KIF24: variants seen among roughly 807,000 people sequenced by gnomAD.
The protein encoded by KIF24 is kinesin-like protein KIF24.
In KIF24, 81 loss-of-function variants were observed where a neutral mutation model predicts 118.9. That is an observed-to-expected ratio of 0.68 (90% confidence interval 0.57 to 0.82). The LOEUF (loss-of-function observed/expected upper bound fraction) is 0.82, where lower values mean the gene tolerates loss of function less well. KIF24 is among the 40% of genes least tolerant of loss of function. The probability of loss-of-function intolerance (pLI) is 0.00; values close to 1 mark genes in which losing one functional copy is unlikely to be tolerated. For missense variants in KIF24, 1,560 were observed against 1,661.6 expected, an observed-to-expected ratio of 0.94 and a Z score of 1.06; for synonymous variants, 599 against 610.0, an observed-to-expected ratio of 0.98 and a Z score of 0.27.
chr9:34,290,217 T>C lies in KIF24; in HGVS notation c.1084A>G (p.Ile362Val), dbSNP rs762610690. The C allele has an allele frequency of 2.5e-6, 4 of 1,613,850 alleles. No homozygotes were observed. The highest frequency in any genetic ancestry group is 3.4e-6 in the Non-Finnish European group (4 of 1,179,820). ...HLFVWISFYE[I>V]YCGQLYDLLN... ...AGGTCATAAAGCTGTCCACAGTAAA[T>C]TTCATAGAAGCTGATCCACACAAAG... Residue 362 changes from isoleucine (I) to valine (V), a missense_variant, in exon 5 of 13, where the codon ATT (isoleucine) becomes GTT (valine). Ile to Val is a conservative substitution (Grantham distance 29). Transcript: ENST00000402558.
chr9:34,311,405 T>TA (rs1587966384), intron 1 of KIF24, 34 bp from the exon 2 acceptor site: 4 of 1,151,760 alleles, frequency 3.5e-6, no homozygotes, highest in Non-Finnish European at 2.4e-6. Flanking sequence ...TCGCTTGAAA[T>TA]AGAGTACATG....
intron 10 of KIF24, among the ~76,000 whole-genome samples, chr9:34,258,509 T>A (rs1032105333): frequency 6.6e-6 from 1 of 152,106 alleles, no homozygotes; most frequent in African/African-American, 2.4e-5. Context: ...TCTCTGAGGA[T>A]GTAAGCATGC....
chr9:34,307,683 C>T (rs1267317761), intron 2 of KIF24, among the ~76,000 whole-genome samples: 2 of 151,744 alleles, frequency 1.3e-5, no homozygotes, highest in African/African-American at 2.4e-5. Context: ...GAGGCTGAGG[C>T]GGGCAGATCA....
In KIF24 at chr9:34,299,804, ATGTGTGTGTGTGTGTGTGCG is replaced by A. The variant is rs895414249; in HGVS notation, c.814-2710_814-2691del. Among the ~76,000 whole-genome samples the A allele has an allele frequency of 2.1e-4, 26 of 123,272 alleles. No homozygotes were observed. In the East Asian group the frequency reaches 7.8e-3, roughly 37 times the overall value. 80.9% of individuals were successfully genotyped at this position (123,272 alleles called of 152,430 possible). ...ATATATATATAGCTGGGCTACCAAGATGTGTGTGTGTGTGTGTGCGTGTGTGTGTGTGTGTGTGTGTGTAT... is the reference window on the plus strand; with the variant it reads ...ATATATATATAGCTGGGCTACCAAGATGTGTGTGTGTGTGTGTGTGTGTAT... On this transcript the variant is annotated intron_variant, in intron 3 of 12. Transcript: ENST00000402558.
chr9:34,260,800 G>A (rs12377779), intron 9 of KIF24, among the ~76,000 whole-genome samples: 18,738 of 151,902 alleles, frequency 0.12, 1,507 homozygotes, highest in Non-Finnish European at 0.18. Context: ...GCGAAACCCC[G>A]TCTCTACTAA....
intron 6 of KIF24, among the ~76,000 whole-genome samples, chr9:34,279,352 T>C (rs1174305315): frequency 6.6e-6 from 1 of 152,196 alleles, no homozygotes; most frequent in Non-Finnish European, 1.5e-5. Flanking sequence ...AAGGCAATGA[T>C]AAAACATGAA....
chr9:34,280,710 G>T (rs1053907079), intron 6 of KIF24, among the ~76,000 whole-genome samples: 4 of 151,992 alleles, frequency 2.6e-5, no homozygotes, highest in African/African-American at 9.7e-5. Context: ...AGACACACTC[G>T]GGCGCTATAC....
chr9:34,283,577 G>A (rs1014380413), intron 6 of KIF24, among the ~76,000 whole-genome samples: 1 of 151,976 alleles, frequency 6.6e-6, no homozygotes, highest in African/African-American at 2.4e-5. Context: ...ACTTGAGGAC[G>A]ACACAAGCAA....
At position 34,310,779 on chromosome 9, in the gene KIF24, G is replaced by C; in HGVS notation, c.568C>G (p.Gln190Glu). Residue 190 changes from glutamine (Q) to glutamate (E), a missense_variant, in exon 2 of 13, where the codon CAA becomes GAA. Physicochemically the swap from Gln to Glu is conservative, Grantham distance 29 (BLOSUM62 2). Coordinates refer to ENST00000402558, the MANE Select transcript of KIF24 (RefSeq NM_194313.4). ...ILGDCDIPIIQRISHVSGYNY... is the reference protein window; with the variant it reads ...ILGDCDIPIIERISHVSGYNY... Reference sequence around the variant, plus strand: ...TACCCTGAAACATGAGAGATTCTTTGAATAATGGGAATATCACAATCCCCC... The same window carrying C: ...TACCCTGAAACATGAGAGATTCTTTCAATAATGGGAATATCACAATCCCCC... The C allele has an allele frequency of 1.9e-6, 3 of 1,609,268 alleles. No individual in the cohort carries two copies. Among genetic ancestry groups the C allele is most frequent in the Non-Finnish European group, 1.7e-6 (2 of 1,175,960 alleles).
rs1834919259 is a variant in KIF24, at chr9:34,257,891, C to G, written c.1716G>C (p.Gln572His). ...TSGNSSPKRIQSSPGALSEDK... is the reference protein window; with the variant it reads ...TSGNSSPKRIHSSPGALSEDK... ...CCTCTGACAAAGCCCCAGGGGAGCT[C>G]TGAATTCGTTTTGGAGAGGAGTTTC... Residue 572 changes from glutamine to histidine, a missense_variant, in exon 11 of 13, where the codon CAG becomes CAC. Physicochemically the swap from Gln to His is conservative, Grantham distance 24. This residue lies in a region of KIF24 where 964 missense variants were observed against 988.0 expected (regional missense o/e 0.98). Transcript: ENST00000402558. The G allele has an allele frequency of 6.2e-7, 1 of 1,614,020 alleles. No individual in the cohort carries two copies. Among genetic ancestry groups the G allele is most frequent in the Non-Finnish European group, 8.5e-7 (1 of 1,179,886 alleles).
rs1258475368 is a variant in KIF24 at position 34,285,928 on chromosome 9, C to CT, written c.1215+688dup. 9.2e-4 allele frequency among the ~76,000 whole-genome samples: 60 copies of CT among 65,140 alleles called. No individual in the cohort carries two copies. The South Asian group carries it at 0.048, about 52-fold the overall frequency. 42.7% of individuals were successfully genotyped at this position (65,140 alleles called of 152,430 possible). A position where few individuals can be genotyped will look rare whatever the true frequency, so the allele number is the denominator to read the frequency against. On this transcript the variant is annotated intron_variant, in intron 6 of 12. Transcript: ENST00000402558. ...TGGGCAACAGAGCAAGACCCTGTTG[C>CT]TTAAAAAAAAAAAAAAAAAAAAGTA...
chr9:34,280,458 G>T (rs1835813006), intron 6 of KIF24, among the ~76,000 whole-genome samples: 1 of 152,108 alleles, frequency 6.6e-6, no homozygotes, highest in Non-Finnish European at 1.5e-5. Flanking sequence ...AGTGACAAAG[G>T]AATCCTGAGG....
chr9:34,318,531 TG>T lies in KIF24; in HGVS notation c.-25-7161del. On this transcript the variant is annotated intron_variant, in intron 1 of 12. Coordinates refer to ENST00000402558, the MANE Select transcript of KIF24 (RefSeq NM_194313.4). This position sits in a 1 kb window ranked among gnomAD's most constrained non-coding sequence, Gnocchi z 4.9. ...AAGCTGAGCCCCAAGGCAGCCACGC[TG>T]GCCGAACACAGCGCCGGCCTGGCCT... is the stretch of plus-strand genomic sequence containing the variant. 1 of 1,003,402 alleles carries T rather than the reference TG, an allele frequency of 1.0e-6. No individual in the cohort carries two copies. Among genetic ancestry groups the T allele is most frequent in the Non-Finnish European group, 1.5e-6 (1 of 649,654 alleles). The allele number at this position is 1,003,402 out of a possible 1,614,324, so 62.2% of individuals were successfully genotyped here. A position where few individuals can be genotyped will look rare whatever the true frequency, so the allele number is the denominator to read the frequency against.
Position 34,257,911 on chromosome 9 carries a change from A to G in KIF24, c.1696T>C (p.Ser566Pro), listed in dbSNP as rs1248671533. The G allele has an allele frequency of 6.2e-7, 1 of 1,613,842 alleles. No individual in the cohort carries two copies. Among genetic ancestry groups the G allele is most frequent in the African/African-American group, 1.3e-5 (1 of 74,916 alleles). Reference protein sequence around the residue: ...VTSRNRTSGNSSPKRIQSSPG... With the variant: ...VTSRNRTSGNPSPKRIQSSPG... Reference sequence around the variant, plus strand: ...GAGCTCTGAATTCGTTTTGGAGAGGAGTTTCCAGATGTCCGATTTCGACTG... The same window carrying G: ...GAGCTCTGAATTCGTTTTGGAGAGGGGTTTCCAGATGTCCGATTTCGACTG... Residue 566 changes from serine to proline, a missense_variant, in exon 11 of 13, where the codon TCC becomes CCC. Physicochemically the swap from Ser to Pro is moderately conservative, Grantham distance 74. Around this residue, in one of 3 missense-constraint regions of KIF24, gnomAD observed 964 missense variants for 988.0 expected, o/e 0.98. Coordinates refer to ENST00000402558, the MANE Select transcript of KIF24 (RefSeq NM_194313.4).
chr9:34,301,665 G>A (rs1836710301), intron 3 of KIF24, among the ~76,000 whole-genome samples: 1 of 151,866 alleles, frequency 6.6e-6, no homozygotes. Context: ...GAGAAACCCA[G>A]TCTTTACAAA....
At chr9:34,332,807 A>C (rs1000409862), upstream of KIF24, among the ~76,000 whole-genome samples, 1 of 152,152 alleles carries the variant, frequency 6.6e-6, no homozygotes, top group Non-Finnish European at 1.5e-5. Context: ...CAATTTATTC[A>C]TGGTAGTTGG....
rs1296578829 is a variant in KIF24 at position 34,253,969 on chromosome 9, C to CAT, written c.*410_*411insAT. 1.9e-5 allele frequency: 3 copies of CAT among 157,732 alleles called. No homozygotes were observed. Among genetic ancestry groups the CAT allele is most frequent in the African/African-American group, 7.2e-5 (3 of 41,658 alleles). The allele number at this position is 157,732 out of a possible 1,614,324, so 9.8% of individuals were successfully genotyped here. On this transcript the variant is annotated 3_prime_UTR_variant, in exon 13 of 13. Coordinates refer to ENST00000402558, the MANE Select transcript of KIF24 (RefSeq NM_194313.4). ...ATTCAGCTGGTGAAGCCTCTGGTCT[C>CAT]AGCATGTTGTCTTCTCTGTCTTGTG...
chr9:34,307,138 G>A (rs760055696), intron 2 of KIF24, among the ~76,000 whole-genome samples: 35 of 152,098 alleles, frequency 2.3e-4, no homozygotes, highest in Non-Finnish European at 3.5e-4. Flanking sequence ...GCACAGCCAT[G>A]GCTCATTGCA....
Position 34,306,457 on chromosome 9 carries a change from A to G in KIF24, c.624-16T>C, listed in dbSNP as rs1836923607. On this transcript the variant is annotated splice_polypyrimidine_tract_variant and intron_variant, in intron 2 of 12. Transcript: ENST00000402558. The stretch of plus-strand genomic sequence containing the variant: ...AGTGTTCTGTCTAATATGTTTATAA[A>G]CAGGCTTTTAATTTTTAATAATAGG... The G allele has an allele frequency of 1.3e-6, 2 of 1,512,676 alleles. No individual in the cohort carries two copies. The highest frequency in any genetic ancestry group is 1.4e-5 in the African/African-American group (1 of 71,346). 93.7% of individuals were successfully genotyped at this position (1,512,676 alleles called of 1,614,324 possible).
Sources: allele counts gnomAD v4.1 joint callset (sites outside exome capture counted in the v4.1 genomes callset), GRCh38; gene constraint gnomAD v4.1.1; regional missense constraint gnomAD v4.1.1; non-coding constraint Gnocchi (gnomAD v3.1); transcripts MANE v1.5; gene names NCBI Gene and HGNC (gene_info 2026-07-23, HGNC 2026-07-21).